BMPR1B: variants seen among roughly 807,000 people sequenced by gnomAD.
The protein encoded by BMPR1B is bone morphogenetic protein receptor type-1B.
Under a neutral mutation model 59.1 loss-of-function variants are expected in BMPR1B, and 12 were observed. The observed-to-expected ratio is 0.20, with a 90% confidence interval of 0.13 to 0.33. The LOEUF is 0.33. Among genes scored for constraint, BMPR1B ranks in the 10% least tolerant of loss-of-function variants. BMPR1B has a pLI of 1.00. For missense variants in BMPR1B, 550 were observed against 610.9 expected (o/e 0.90, Z 1.05); for synonymous variants, 237 against 207.3 (o/e 1.14, Z -1.23).
intron 1 of BMPR1B, among the ~76,000 whole-genome samples, chr4:94,872,545 G>T (rs766239571): frequency 6.6e-6 from 1 of 152,146 alleles, no homozygotes; most frequent in Admixed American, 6.5e-5. Context: ...AAGAATTGAT[G>T]AATCTGCTGG....
chr4:94,844,709 A>G (rs1450152347), intron 1 of BMPR1B, among the ~76,000 whole-genome samples: 1 of 152,090 alleles, frequency 6.6e-6, no homozygotes, highest in African/African-American at 2.4e-5. Context: ...TGTTTCACAT[A>G]CAATATGGGC....
intron 2 of BMPR1B, among the ~76,000 whole-genome samples, chr4:94,902,245 CACACAGAGAGAGAGAG>C (rs1429593010): frequency 2.4e-4 from 22 of 91,764 alleles, no homozygotes; most frequent in African/African-American, 8.9e-4. Flanking sequence ...CACACACACA[CACACAGAGAGAGAGAG>C]AGAGAGAGAG....
intron 2 of BMPR1B, among the ~76,000 whole-genome samples, chr4:94,931,095 G>A (rs914361794): frequency 1.3e-5 from 2 of 152,034 alleles, no homozygotes; most frequent in African/African-American, 4.8e-5. Context: ...AGGGTTTTGC[G>A]TGATTCTGGC....
At chr4:94,898,977 A>G (rs570146466) in intron 2 of BMPR1B, among the ~76,000 whole-genome samples, 3 of 152,208 alleles carry the variant, frequency 2.0e-5, no homozygotes, top group African/African-American at 7.2e-5. Context: ...TGGAAGACCA[A>G]AGTCCAAAAT....
In BMPR1B at chr4:95,058,518, TGATGA is replaced by T. The variant is rs1683335655; in HGVS notation, c.-17-45886_-17-45882del. Among the ~76,000 whole-genome samples the T allele has an allele frequency of 2.6e-5, 4 of 152,160 alleles. No individual in the cohort carries two copies. In the South Asian group the frequency reaches 6.2e-4, roughly 24 times the overall value. On this transcript the variant is annotated intron_variant, in intron 3 of 12. Coordinates refer to ENST00000515059, the MANE Select transcript of BMPR1B (RefSeq NM_001203.3). Reference sequence around the variant, plus strand: ...CACTTCCATGATGTAGAAACTGCACTGATGAGATAACAGCCAGGTGTGAGTCAATT... The same window carrying T: ...CACTTCCATGATGTAGAAACTGCACTGATAACAGCCAGGTGTGAGTCAATT...
At chr4:94,767,167 A>G (rs1722002165) in intron 1 of BMPR1B, among the ~76,000 whole-genome samples, 1 of 152,194 alleles carries the variant, frequency 6.6e-6, no homozygotes, top group Admixed American at 6.5e-5. Context: ...AATTTATATA[A>G]TGTTGAGATG....
At chr4:94,894,808 C>G (rs1727526002) in intron 2 of BMPR1B, among the ~76,000 whole-genome samples, 1 of 151,724 alleles carries the variant, frequency 6.6e-6, no homozygotes, top group Non-Finnish European at 1.5e-5. Flanking sequence ...CTGAGAGAAG[C>G]AGCTCTGTAT....
chr4:94,892,299 C>T (rs2148991467), intron 2 of BMPR1B, among the ~76,000 whole-genome samples: 1 of 152,150 alleles, frequency 6.6e-6, no homozygotes, highest in East Asian at 1.9e-4. Flanking sequence ...TGGAAATGCA[C>T]GTTTCACCCC....
In BMPR1B at chr4:94,899,675, C is replaced by G. The variant is rs17022491; in HGVS notation, c.-113+23775C>G. ...CAAAAGAAGCGTTGATGTTTTATAACTGGTGTTTAAGAAAGTTTTCATTAG... is the reference window on the plus strand; with the variant it reads ...CAAAAGAAGCGTTGATGTTTTATAAGTGGTGTTTAAGAAAGTTTTCATTAG... On this transcript the variant is annotated intron_variant, in intron 2 of 12. Coordinates refer to ENST00000515059, the MANE Select transcript of BMPR1B (RefSeq NM_001203.3). 7.3e-5 allele frequency among the ~76,000 whole-genome samples: 11 copies of G among 151,618 alleles called. 1 individual carries two copies. The highest frequency in any genetic ancestry group is 6.6e-4 in the Admixed American group (10 of 15,196).
At chr4:95,099,545 A>G (rs1730669451) in intron 3 of BMPR1B, among the ~76,000 whole-genome samples, 1 of 152,218 alleles carries the variant, frequency 6.6e-6, no homozygotes, top group African/African-American at 2.4e-5. Context: ...CATGTATTTC[A>G]TCAGTGCTTA....
intron 1 of BMPR1B, among the ~76,000 whole-genome samples, chr4:94,841,660 G>T (rs978075934): frequency 6.6e-5 from 10 of 151,976 alleles, no homozygotes; most frequent in Admixed American, 5.9e-4. Flanking sequence ...GCGCCCACTG[G>T]CACTCCCTAT....
intron 2 of BMPR1B, among the ~76,000 whole-genome samples, chr4:94,970,086 T>G (rs1730714299): frequency 6.6e-6 from 1 of 152,120 alleles, no homozygotes; most frequent in African/African-American, 2.4e-5. Context: ...GTTATATATC[T>G]TGTTTTATTT....
intron 3 of BMPR1B, among the ~76,000 whole-genome samples, chr4:95,055,877 TAACTC>T (rs1210597603): frequency 3.9e-5 from 6 of 152,162 alleles, no homozygotes; most frequent in African/African-American, 1.4e-4. Flanking sequence ...AACAGCAAAA[TAACTC>T]AAATTAGTTT....
At chr4:94,947,228 C>T (rs886499734) in intron 2 of BMPR1B, among the ~76,000 whole-genome samples, 1 of 152,146 alleles carries the variant, frequency 6.6e-6, no homozygotes, top group African/African-American at 2.4e-5. Context: ...ATACTAACTC[C>T]AGAAGGAAAT....
intron 3 of BMPR1B, among the ~76,000 whole-genome samples, chr4:95,044,882 T>C (rs1267709494): frequency 6.6e-6 from 1 of 152,206 alleles, no homozygotes. Context: ...AGTTTTTTTT[T>C]CTCATAGTGG....
chr4:94,862,762 G>A (rs189674465), intron 1 of BMPR1B, among the ~76,000 whole-genome samples: 3,207 of 151,718 alleles, frequency 0.021, 127 homozygotes, highest in African/African-American at 0.072. Flanking sequence ...TGGCTAACAC[G>A]GTGAAACCCC....
chr4:95,121,050 C>T lies in BMPR1B; in HGVS notation c.350-2760C>T, dbSNP rs534134401. On this transcript the variant is annotated intron_variant, in intron 6 of 12. Coordinates refer to ENST00000515059, the MANE Select transcript of BMPR1B (RefSeq NM_001203.3). ...CTTGAACTCCTGAACTCAGGTGATC[C>T]GCCCACCTTGGCTTCCCAAACTGCT... 3.9e-5 allele frequency among the ~76,000 whole-genome samples: 6 copies of T among 152,232 alleles called. No homozygotes were observed. In the South Asian group the frequency reaches 6.2e-4, roughly 16 times the overall value.
chr4:94,864,661 A>T (rs190488570), intron 1 of BMPR1B, among the ~76,000 whole-genome samples: 1 of 152,306 alleles, frequency 6.6e-6, no homozygotes, highest in Admixed American at 6.5e-5. Flanking sequence ...TGGTGATATG[A>T]GGTCATTGCA....
chr4:95,121,098 G>C (rs191517562), intron 6 of BMPR1B, among the ~76,000 whole-genome samples: 14 of 152,278 alleles, frequency 9.2e-5, no homozygotes, highest in Admixed American at 2.0e-4. Flanking sequence ...GTGAGCCACT[G>C]TGCCCAGCCA....
Sources: gnomAD v4.1 joint callset for allele counts (sites outside exome capture counted in the v4.1 genomes callset) on GRCh38, gnomAD v4.1.1 for gene constraint, MANE v1.5 for transcripts, NCBI Gene and HGNC (gene_info 2026-07-23, HGNC 2026-07-21) for gene names.